POSTN: variants seen among roughly 807,000 people sequenced by gnomAD.
POSTN encodes periostin.
In POSTN, 71 loss-of-function variants were observed where a neutral mutation model predicts 104.5. The ratio of observed to expected loss-of-function variants is 0.68; its 90% CI spans 0.56 to 0.83. The LOEUF is 0.83. POSTN is among the 40% of genes least tolerant of loss of function. POSTN has a pLI of 0.00. For missense variants in POSTN, 949 were observed against 1,006.8 expected (o/e 0.94, Z 0.78); for synonymous variants, 355 against 340.7 (o/e 1.04, Z -0.46).
In POSTN at chr13:37,598,597, C is replaced by A. The variant is rs1485262381; in HGVS notation, c.119+11G>T. 1 of 1,600,970 alleles carries A rather than the reference C, an allele frequency of 6.2e-7. No individual in the cohort carries two copies. The highest frequency in any genetic ancestry group is 8.5e-7 in the Non-Finnish European group (1 of 1,171,946). ...AGAAAAATGGTTTATAAAACCAAAC[C>A]ACTCACTTACCCTTGGTCCCGACCC... On this transcript the variant is annotated intron_variant, in intron 1 of 22. Coordinates refer to ENST00000379747, the MANE Select transcript of POSTN (RefSeq NM_006475.3).
intron 21 of POSTN, among the ~76,000 whole-genome samples, chr13:37,567,235 C>CAAAAAAAAAAAAAAAAAAAA (rs71093694): frequency 5.4e-5 from 2 of 36,922 alleles, no homozygotes; most frequent in African/African-American, 2.7e-4. Flanking sequence ...GACTCCGTCT[C>CAAAAAAAAAAAAAAAAAAAA]AAAAAAAAAA....
intron 1 of POSTN, 111 bp downstream of exon 1, chr13:37,598,497 T>C: frequency 1.1e-6 from 1 of 940,588 alleles, no homozygotes; most frequent in Non-Finnish European, 1.6e-6. Flanking sequence ...TACTTTATAA[T>C]AATTAGGAAA....
intron 22 of POSTN, 106 bp downstream of exon 22, chr13:37,564,413 G>T: frequency 4.6e-6 from 3 of 656,538 alleles, no homozygotes; most frequent in Non-Finnish European, 7.8e-6. Context: ...CTCTCTGATC[G>T]ATAACAAGTT....
chr13:37,578,785 C>T (rs549049320), intron 15 of POSTN, 59 bp downstream of exon 15: 97 of 1,339,742 alleles, frequency 7.2e-5, no homozygotes, highest in Middle Eastern at 5.6e-4. Flanking sequence ...GGCGACAAAG[C>T]GAGACTCCAT....
In POSTN at chr13:37,570,639, A is replaced by G; in HGVS notation, c.2210T>C (p.Ile737Thr). ...AGTTATTTCCACAGGCACTCCATCA[A>G]TGATTTTGGTGTATTTTTTAATAAT... is the stretch of plus-strand genomic sequence containing the variant. Reference protein sequence around the residue: ...EPIIKKYTKIIDGVPVEITEK... With the variant: ...EPIIKKYTKITDGVPVEITEK... Residue 737 changes from isoleucine to threonine, a missense_variant, in exon 19 of 23, where the codon ATT becomes ACT. By Grantham distance (89) the Ile-to-Thr change is moderately conservative (BLOSUM62 -1). Coordinates refer to ENST00000379747, the MANE Select transcript of POSTN (RefSeq NM_006475.3). The G allele has an allele frequency of 2.5e-6, 4 of 1,608,554 alleles. No homozygotes were observed. Among genetic ancestry groups the G allele is most frequent in the Non-Finnish European group, 3.4e-6 (4 of 1,175,502 alleles).
chr13:37,583,905 C>T lies in POSTN; in HGVS notation c.1243+64G>A, dbSNP rs188859462. ...AACATTTATTGTTTCTTATTGCAAA[C>T]AATCATCATAAAGAAAAAAAGGTGT... On this transcript the variant is annotated intron_variant, in intron 9 of 22. Coordinates refer to ENST00000379747, the MANE Select transcript of POSTN (RefSeq NM_006475.3). 4.6e-5 allele frequency: 71 copies of T among 1,544,974 alleles called. No homozygotes were observed. In the East Asian group the frequency reaches 8.4e-4, roughly 18 times the overall value.
Position 37,584,015 on chromosome 13 carries a change from T to G in POSTN, c.1197A>C (p.Pro399=), listed in dbSNP as rs141881275. The stretch of plus-strand genomic sequence containing the variant: ...GTGCCAGCAAAGTGTATTCTCCATC[T>G]GGCCTCAGAGCAGATGCCAAGCCTA... ...AQLGLASALR[P]DGEYTLLAPV... The change falls in exon 9 of 23, where the codon CCA becomes CCC. Residue 399 remains proline, a synonymous_variant. Coordinates refer to ENST00000379747, the MANE Select transcript of POSTN (RefSeq NM_006475.3). 2 of 1,613,970 alleles carry G rather than the reference T, an allele frequency of 1.2e-6. No homozygotes were observed. The highest frequency in any genetic ancestry group is 4.5e-5 in the East Asian group (2 of 44,872).
At position 37,582,514 on chromosome 13, in the gene POSTN, T is replaced by C; in HGVS notation, c.1244A>G (p.Asp415Gly). ...GCGCTGATCCATGCTGAGAGTATCATCTGTAAATAAATTCATTAAGAAAGA... is the reference window on the plus strand; with the variant it reads ...GCGCTGATCCATGCTGAGAGTATCACCTGTAAATAAATTCATTAAGAAAGA... Reference protein sequence around the residue: ...LLAPVNNAFSDDTLSMDQRLL... With the variant: ...LLAPVNNAFSGDTLSMDQRLL... The change falls in exon 10 of 23, where the codon GAT becomes GGT. Residue 415 changes from aspartate (D) to glycine (G), a missense_variant and splice_region_variant. Transcript: ENST00000379747. 1 of 1,591,866 alleles carries C rather than the reference T, an allele frequency of 6.3e-7. No homozygotes were observed. Among genetic ancestry groups the C allele is most frequent in the Non-Finnish European group, 8.5e-7 (1 of 1,172,548 alleles).
intron 9 of POSTN, 143 bp from the exon 10 acceptor site, chr13:37,582,657 C>T: frequency 2.8e-6 from 2 of 706,234 alleles, no homozygotes; most frequent in Non-Finnish European, 4.5e-6. Context: ...CATGAATCAA[C>T]CAAATGCTAA....
intron 21 of POSTN, 117 bp from the exon 22 acceptor site, chr13:37,564,677 A>T (rs573338145): frequency 3.9e-6 from 2 of 515,354 alleles, no homozygotes; most frequent in Non-Finnish European, 7.0e-6. Context: ...AAACACGAAG[A>T]TTATTTTTAG....
rs1593329739 is a variant in POSTN, at chr13:37,577,693, G to A, written c.2008+60C>T. ...ATAATCTCTGTAAATACAAAGAAAT[G>A]TATTGTTTTCTTTTTTCATACCTTG... On this transcript the variant is annotated intron_variant, in intron 16 of 22. Transcript: ENST00000379747. The A allele has an allele frequency of 5.7e-6, 9 of 1,588,164 alleles. No homozygotes were observed. In the East Asian group the frequency reaches 1.4e-4, roughly 24 times the overall value.
chr13:37,584,234 ATCC>A, intron 8 of POSTN, 131 bp from the exon 9 acceptor site: 3 of 1,110,128 alleles, frequency 2.7e-6, no homozygotes, highest in Non-Finnish European at 3.8e-6. Context: ...GTGATAAGAC[ATCC>A]TCCTCCTCCC....
chr13:37,591,206 A>G (rs1293026977), intron 3 of POSTN, among the ~76,000 whole-genome samples: 1 of 152,202 alleles, frequency 6.6e-6, no homozygotes, highest in African/African-American at 2.4e-5. Flanking sequence ...GTCAAAATGA[A>G]CAAGGTTAAA....
At chr13:37,579,177 G>C in intron 13 of POSTN, 52 bp downstream of exon 13, 1 of 1,603,212 alleles carries the variant, frequency 6.2e-7, no homozygotes, top group Admixed American at 1.7e-5. Context: ...TGAATATTTA[G>C]ATAACTTAAT....
chr13:37,587,249 A>G (rs1232877881), intron 5 of POSTN, among the ~76,000 whole-genome samples: 3 of 152,174 alleles, frequency 2.0e-5, no homozygotes, highest in Non-Finnish European at 4.4e-5. Flanking sequence ...ATGTGGGTCA[A>G]TGAATTAGGT....
At chr13:37,593,959 C>T (rs1444860728) in intron 2 of POSTN, among the ~76,000 whole-genome samples, 1 of 151,450 alleles carries the variant, frequency 6.6e-6, no homozygotes, top group Non-Finnish European at 1.5e-5. Context: ...TAATAGATAG[C>T]TAAAAATACA....
intron 4 of POSTN, among the ~76,000 whole-genome samples, chr13:37,588,896 A>G (rs1950839655): frequency 6.6e-6 from 1 of 152,196 alleles, no homozygotes; most frequent in African/African-American, 2.4e-5. Context: ...AGGCTTCAGG[A>G]AGGTTGAGTG....
intron 6 of POSTN, among the ~76,000 whole-genome samples, chr13:37,586,532 A>C (rs1182285191): frequency 2.6e-5 from 4 of 152,236 alleles, no homozygotes; most frequent in Admixed American, 1.3e-4. Context: ...ATATAATAAC[A>C]GATGAACACG....
intron 4 of POSTN, among the ~76,000 whole-genome samples, chr13:37,589,511 A>G (rs1950861542): frequency 6.6e-6 from 1 of 151,528 alleles, no homozygotes; most frequent in Non-Finnish European, 1.5e-5. Context: ...CTCCCACCCC[A>G]CAACAGTCCC....
Sources: gnomAD v4.1 joint callset for allele counts (sites outside exome capture counted in the v4.1 genomes callset) on GRCh38, gnomAD v4.1.1 for gene constraint, MANE v1.5 for transcripts, NCBI Gene and HGNC (gene_info 2026-07-23, HGNC 2026-07-21) for gene names.